The following HRH1 variants were observed in gnomAD, a reference collection of about 807,000 sequenced individuals.
The protein encoded by HRH1 is histamine receptor H1, also known as histamine H1 receptor.
Under a neutral mutation model 10.3 loss-of-function variants are expected in HRH1, and 6 were observed. That is an observed-to-expected ratio of 0.58 (90% CI 0.32 to 1.15). The LOEUF is 1.15. Among genes scored for constraint, HRH1 ranks in the 50% most tolerant of loss-of-function variants. The pLI is 0.05. For synonymous variants in HRH1, 242 were observed against 236.7 expected (o/e 1.02, Z -0.21); for missense variants, 514 against 615.3 (o/e 0.84, Z 1.74).
rs73812404 is a variant in HRH1 at position 11,244,362 on chromosome 3, T to C, written c.-35-14641T>C. Among the ~76,000 whole-genome samples, 529 of 152,350 alleles carry C rather than the reference T, an allele frequency of 3.5e-3. 2 individuals carry two copies. Among genetic ancestry groups the C allele is most frequent in the African/African-American group, 0.012 (502 of 41,576 alleles). ...GGAGTCTGGGAAATGTAGTTTCTAT[T>C]CCAGGCAGCTGTATACTCAGCTGAG... On this transcript the variant is annotated intron_variant, in intron 1 of 1. Transcript: ENST00000431010.
chr3:11,230,080 G>A (rs1206177064), intron 1 of HRH1, among the ~76,000 whole-genome samples: 5 of 152,106 alleles, frequency 3.3e-5, no homozygotes, highest in African/African-American at 1.2e-4. Context: ...TCCAAAGGAT[G>A]AACAAAAGGA....
intron 1 of HRH1, among the ~76,000 whole-genome samples, chr3:11,249,978 A>G (rs1939598770): frequency 6.7e-6 from 1 of 149,094 alleles, no homozygotes; most frequent in Non-Finnish European, 1.5e-5. Flanking sequence ...TAATAATAAG[A>G]TGTGGGGTAG....
At chr3:11,153,030 A>G (rs1936679653), upstream of HRH1, among the ~76,000 whole-genome samples, 2 of 152,108 alleles carry the variant, frequency 1.3e-5, no homozygotes, top group African/African-American at 4.8e-5. Flanking sequence ...CTGAGCTACC[A>G]TTTATGGAGC....
At chr3:11,248,444 G>T (rs113418973) in intron 1 of HRH1, among the ~76,000 whole-genome samples, 1 of 152,270 alleles carries the variant, frequency 6.6e-6, no homozygotes, top group Non-Finnish European at 1.5e-5. Context: ...CAGGAGGGAC[G>T]TGTCTCTTTT....
chr3:11,201,970 C>T (rs1056507775), intron 1 of HRH1, among the ~76,000 whole-genome samples: 4 of 152,208 alleles, frequency 2.6e-5, no homozygotes, highest in African/African-American at 9.6e-5. Context: ...CCCCCCTCAC[C>T]GGGGCAGGCA....
chr3:11,152,255 A>G (rs778032580), upstream of HRH1, among the ~76,000 whole-genome samples: 1 of 152,212 alleles, frequency 6.6e-6, no homozygotes, highest in Non-Finnish European at 1.5e-5. Flanking sequence ...TGCAGTAAGC[A>G]TGGGGCTGTT....
chr3:11,178,821 C>G (rs1937295069), intron 1 of HRH1, among the ~76,000 whole-genome samples: 2 of 152,102 alleles, frequency 1.3e-5, no homozygotes, highest in African/African-American at 4.8e-5. Context: ...GTCTGGGAAA[C>G]CTGAGCTAAG....
intron 1 of HRH1, among the ~76,000 whole-genome samples, chr3:11,163,252 G>T (rs899265617): frequency 6.6e-6 from 1 of 152,090 alleles, no homozygotes; most frequent in Admixed American, 6.5e-5. Context: ...CCTCCAGGCA[G>T]CCCCCTTCTA....
intron 1 of HRH1, among the ~76,000 whole-genome samples, chr3:11,204,066 C>A (rs12488410): frequency 6.6e-6 from 1 of 152,080 alleles, no homozygotes; most frequent in African/African-American, 2.4e-5. Flanking sequence ...CGTCAAACAC[C>A]TACTGTGTGC....
At chr3:11,247,967 AT>A (rs1194564759) in intron 1 of HRH1, among the ~76,000 whole-genome samples, 1 of 152,080 alleles carries the variant, frequency 6.6e-6, no homozygotes. Flanking sequence ...ATTCCTTTCC[AT>A]TTCCCGAACC....
intron 1 of HRH1, among the ~76,000 whole-genome samples, chr3:11,214,936 TG>T (rs1189607828): frequency 1.8e-4 from 27 of 152,336 alleles, no homozygotes; most frequent in African/African-American, 6.0e-4. Flanking sequence ...GCCACATATT[TG>T]CCACTGCAGG....
chr3:11,148,961 C>T (rs1281616962), intron 1 of HRH1, among the ~76,000 whole-genome samples: 2 of 152,042 alleles, frequency 1.3e-5, no homozygotes, highest in African/African-American at 4.8e-5. Context: ...AGGGCAGATG[C>T]TTGTCCTCTT....
intron 1 of HRH1, among the ~76,000 whole-genome samples, chr3:11,191,602 C>A (rs1410214723): frequency 6.6e-6 from 1 of 152,216 alleles, no homozygotes; most frequent in Non-Finnish European, 1.5e-5. Flanking sequence ...TGGGCTCTTT[C>A]TACGGGAAAG....
intron 1 of HRH1, among the ~76,000 whole-genome samples, chr3:11,203,220 C>G (rs433303): frequency 6.6e-6 from 1 of 152,054 alleles, no homozygotes; most frequent in Non-Finnish European, 1.5e-5. Context: ...TTTAAACACT[C>G]GTGCAGATTT....
chr3:11,246,509 A>T (rs1215484610), intron 1 of HRH1, among the ~76,000 whole-genome samples: 1 of 152,202 alleles, frequency 6.6e-6, no homozygotes, highest in Non-Finnish European at 1.5e-5. Context: ...AACCTCAGGG[A>T]CCAGATTTTT....
chr3:11,240,503 C>T (rs1939304442), intron 1 of HRH1, among the ~76,000 whole-genome samples: 1 of 152,026 alleles, frequency 6.6e-6, no homozygotes, highest in Admixed American at 6.6e-5. Context: ...CACACACAGT[C>T]CTCTGTTCTT....
intron 1 of HRH1, among the ~76,000 whole-genome samples, chr3:11,206,369 C>T (rs992279028): frequency 3.9e-5 from 6 of 152,218 alleles, no homozygotes; most frequent in East Asian, 1.9e-4. Context: ...CTGCCTGCTT[C>T]GGCCTTCCGA....
chr3:11,164,811 G>C (rs1376915246), intron 1 of HRH1, among the ~76,000 whole-genome samples: 1 of 152,194 alleles, frequency 6.6e-6, no homozygotes, highest in East Asian at 1.9e-4. Flanking sequence ...GCAGACGCAG[G>C]AATTTTGAGC....
intron 1 of HRH1, among the ~76,000 whole-genome samples, chr3:11,249,802 C>G (rs556708951): frequency 6.6e-6 from 1 of 152,214 alleles, no homozygotes; most frequent in South Asian, 2.1e-4. Context: ...TTAAAATCTT[C>G]CCAGACTAAT....
Sources: gnomAD v4.1 joint callset for allele counts (sites outside exome capture counted in the v4.1 genomes callset) on GRCh38, gnomAD v4.1.1 for gene constraint, MANE v1.5 for transcripts, NCBI Gene and HGNC (gene_info 2026-07-23, HGNC 2026-07-21) for gene names.